Variants in CRAMP1 observed in about 807,000 individuals in gnomAD.
CRAMP1 encodes cramped chromatin regulator 1.
Under a neutral mutation model 115.4 loss-of-function variants are expected in CRAMP1, and 50 were observed. That is an observed-to-expected ratio of 0.43 (90% CI 0.35 to 0.55). The LOEUF (loss-of-function observed/expected upper bound fraction) is 0.55. Among genes scored for constraint, CRAMP1 ranks in the 20% least tolerant of loss-of-function variants. The pLI, the probability that CRAMP1 is intolerant of heterozygous loss-of-function variation, is 0.01. For synonymous variants in CRAMP1, 866 were observed against 745.4 expected, an observed-to-expected ratio of 1.16 and a Z score of -2.64; for missense variants, 1,679 against 1,721.7, an observed-to-expected ratio of 0.98 and a Z score of 0.44.
chr16:1,612,901 G>A (rs2036370230), intron 1 of CRAMP1, among the ~76,000 whole-genome samples: 1 of 152,084 alleles, frequency 6.6e-6, no homozygotes, highest in Admixed American at 6.5e-5. Context: ...TCGCGAAAAG[G>A]AGGCCATCCC....
intron 10 of CRAMP1, among the ~76,000 whole-genome samples, chr16:1,658,568 G>GAC (rs879886971): frequency 3.3e-5 from 5 of 152,202 alleles, no homozygotes; most frequent in Non-Finnish European, 5.9e-5. Flanking sequence ...TGGACAGACA[G>GAC]ACAGACAGGT....
At position 1,666,887 on chromosome 16, in the gene CRAMP1, C is replaced by G. The variant is rs905577173; in HGVS notation, c.3036+287C>G. On this transcript the variant is annotated intron_variant, in intron 16 of 20. Transcript: ENST00000397412. The surrounding 1 kb of genome is among the most constrained non-coding windows in gnomAD (Gnocchi z 5.0). ...AGAGTGACCATAACCAAGGTGGCAG[C>G]CCACAGCGCTGTGCTCGGACACCAC... 6.6e-6 allele frequency among the ~76,000 whole-genome samples: 1 copy of G among 152,222 alleles called. No individual in the cohort carries two copies. Among genetic ancestry groups the G allele is most frequent in the African/African-American group, 2.4e-5 (1 of 41,466 alleles).
intron 2 of CRAMP1, among the ~76,000 whole-genome samples, chr16:1,618,881 C>CA (rs2036442874): frequency 1.3e-5 from 2 of 151,962 alleles, no homozygotes; most frequent in Admixed American, 1.3e-4. Context: ...AAAACAAAAC[C>CA]AAAAAAGATA....
chr16:1,651,649 G>T (rs1294289503), intron 6 of CRAMP1, among the ~76,000 whole-genome samples: 2 of 145,450 alleles, frequency 1.4e-5, no homozygotes, highest in Non-Finnish European at 3.0e-5. Context: ...GTGGATTGAA[G>T]TCACACAGAG....
Position 1,652,565 on chromosome 16 carries a change from G to A in CRAMP1, c.897G>A (p.Lys299=), listed in dbSNP as rs1378089485. ...CGCCCATGTGCCGGGCCCTGAAGAA[G>A]CTGTGCGATCCAGATGGTAAGTGAA... The part of the protein sequence containing the change: ...IKAPMCRALK[K]LCDPDGLSDE... The change falls in exon 7 of 21, where the codon AAG becomes AAA. Residue 299 remains lysine, a synonymous_variant. Transcript: ENST00000397412. The A allele has an allele frequency of 9.7e-6, 15 of 1,552,884 alleles. No individual in the cohort carries two copies. The highest frequency in any genetic ancestry group is 1.1e-5 in the Non-Finnish European group (13 of 1,147,548).
In CRAMP1 at chr16:1,666,430, G is replaced by A. The variant is rs769013086; in HGVS notation, c.2866G>A (p.Asp956Asn). 13 of 1,612,732 alleles carry A rather than the reference G, an allele frequency of 8.1e-6. No homozygotes were observed. In the East Asian group the frequency reaches 2.0e-4, roughly 25 times the overall value. ...QATSHLASAI[D>N]LAATSAGILS... ...GTCCTTTTTGTTGCCAGGTGCTATC[G>A]ACTTAGCAGCTACAAGTGCCGGCAT... The change falls in exon 16 of 21, where the codon GAC (aspartate) becomes AAC (asparagine). Residue 956 changes from aspartate to asparagine, a missense_variant. Asp to Asn is a conservative substitution (Grantham distance 23). Around this residue, in one of 8 missense-constraint regions of CRAMP1, gnomAD observed 709 missense variants for 741.9 expected, o/e 0.96. Transcript: ENST00000397412. The surrounding 1 kb of genome is among the most constrained non-coding windows in gnomAD (Gnocchi z 5.0).
chr16:1,653,336 C>T (rs1181642948), intron 8 of CRAMP1, among the ~76,000 whole-genome samples, 180 bp downstream of exon 8: 3 of 152,142 alleles, frequency 2.0e-5, no homozygotes, highest in Admixed American at 6.5e-5. Context: ...GGCTGCAGTC[C>T]TGTATCTGGG....
chr16:1,665,277 TG>T, intron 14 of CRAMP1, 139 bp downstream of exon 14: 1 of 677,354 alleles, frequency 1.5e-6, no homozygotes, highest in East Asian at 2.7e-5. Context: ...ATACCTAATG[TG>T]CCCTATGTGC....
intron 6 of CRAMP1, among the ~76,000 whole-genome samples, chr16:1,647,748 TAAAAAAAA>T (rs35279793): frequency 2.3e-5 from 2 of 87,746 alleles, no homozygotes; most frequent in Non-Finnish European, 2.2e-5. Flanking sequence ...GACTCTGCCT[TAAAAAAAA>T]AAAAAAAAAA....
chr16:1,641,546 C>G (rs535825508), intron 6 of CRAMP1, among the ~76,000 whole-genome samples: 1 of 152,196 alleles, frequency 6.6e-6, no homozygotes, highest in Non-Finnish European at 1.5e-5. Flanking sequence ...CCTCTCCTTT[C>G]CATTGCATTT....
chr16:1,664,414 T>C (rs1234960559), intron 13 of CRAMP1, among the ~76,000 whole-genome samples: 2 of 152,224 alleles, frequency 1.3e-5, no homozygotes, highest in Admixed American at 6.5e-5. Flanking sequence ...TAAAAGTCCA[T>C]GTCCAGTGGT....
chr16:1,640,969 G>T (rs547587213), intron 5 of CRAMP1, among the ~76,000 whole-genome samples, 170 bp from the exon 6 acceptor site: 2 of 152,340 alleles, frequency 1.3e-5, no homozygotes, highest in Non-Finnish European at 2.9e-5. Flanking sequence ...TGACTCGAAG[G>T]TGTGACTTTG....
intron 6 of CRAMP1, among the ~76,000 whole-genome samples, chr16:1,643,581 G>A (rs975633213): frequency 3.9e-5 from 6 of 151,908 alleles, no homozygotes; most frequent in Admixed American, 2.0e-4. Flanking sequence ...TGGTTCTGCC[G>A]AGGGAAGGGC....
Position 1,614,798 on chromosome 16 carries a change from G to GGCCGGC in CRAMP1, c.164_169dup (p.Gly55_Ala56dup). The stretch of plus-strand genomic sequence containing the variant: ...CAAAGAGGGACGAGAAGACCCCCCG[G>GGCCGGC]GCCGGCGCCGACGGCCCCCCCGCGC... On this transcript the variant is annotated inframe_insertion, in exon 2 of 21. Transcript: ENST00000397412. This position sits in a 1 kb window ranked among gnomAD's most constrained non-coding sequence, Gnocchi z 4.4. The GGCCGGC allele has an allele frequency of 1.5e-6, 2 of 1,294,378 alleles. No individual in the cohort carries two copies. The highest frequency in any genetic ancestry group is 2.0e-6 in the Non-Finnish European group (2 of 1,022,682). The allele number at this position is 1,294,378 out of a possible 1,614,324, so 80.2% of individuals were successfully genotyped here. A position where few individuals can be genotyped will look rare whatever the true frequency, so the allele number is the denominator to read the frequency against.
intron 10 of CRAMP1, 48 bp from the exon 11 acceptor site, chr16:1,659,838 T>C: frequency 6.4e-7 from 1 of 1,567,852 alleles, no homozygotes; most frequent in East Asian, 2.2e-5. Flanking sequence ...GCAAGAGCCA[T>C]TTCTCATGTG....
At chr16:1,620,790 A>C (rs74702118) in intron 2 of CRAMP1, 2 of 435,770 alleles carry the variant, frequency 4.6e-6, no homozygotes, top group Non-Finnish European at 9.4e-6. Flanking sequence ...GTGACAGGAC[A>C]GTGTGCGCTG....
chr16:1,673,076 C>A (rs937393596), intron 20 of CRAMP1, among the ~76,000 whole-genome samples: 2 of 151,940 alleles, frequency 1.3e-5, no homozygotes, highest in African/African-American at 4.8e-5. Context: ...TGCCCTCCAC[C>A]TGTCCTCATT....
chr16:1,626,727 T>C (rs1292560150), intron 3 of CRAMP1, among the ~76,000 whole-genome samples: 1 of 152,250 alleles, frequency 6.6e-6, no homozygotes, highest in Non-Finnish European at 1.5e-5. Context: ...TAAATCCTTG[T>C]AATTATTGTG....
chr16:1,638,858 T>G (rs1472789688), intron 5 of CRAMP1, among the ~76,000 whole-genome samples: 1 of 151,860 alleles, frequency 6.6e-6, no homozygotes, highest in East Asian at 1.9e-4. Context: ...GCTGCTGCAA[T>G]CTAGTGTGGC....
Sources: gnomAD v4.1 joint callset for allele counts (sites outside exome capture counted in the v4.1 genomes callset) on GRCh38, gnomAD v4.1.1 for gene constraint, gnomAD v4.1.1 regional missense constraint, Gnocchi (gnomAD v3.1) non-coding constraint, MANE v1.5 for transcripts, NCBI Gene and HGNC (gene_info 2026-07-23, HGNC 2026-07-21) for gene names.